Variants in MTTP observed in about 807,000 individuals in gnomAD.
The protein encoded by MTTP is microsomal triglyceride transfer protein large subunit.
Under a neutral mutation model 90.6 loss-of-function variants are expected in MTTP, and 49 were observed. That is an observed-to-expected ratio of 0.54 (90% CI 0.43 to 0.69). The LOEUF (loss-of-function observed/expected upper bound fraction) is 0.69. Among genes scored for constraint, MTTP ranks in the 30% least tolerant of loss-of-function variants. The pLI is 0.00. For missense variants in MTTP, 945 were observed against 1,067.5 expected (o/e 0.89, Z 1.60); for synonymous variants, 347 against 384.2 (o/e 0.90, Z 1.13).
upstream of MTTP, among the ~76,000 whole-genome samples, chr4:99,572,791 A>G (rs1335004978): frequency 2.6e-5 from 4 of 152,090 alleles, no homozygotes; most frequent in Non-Finnish European, 5.9e-5. Context: ...AGTTTACTGA[A>G]TTTGGAAAGG....
intron 1 of MTTP, among the ~76,000 whole-genome samples, chr4:99,579,780 G>A (rs1427910129): frequency 1.3e-5 from 2 of 152,120 alleles, no homozygotes; most frequent in Admixed American, 1.3e-4. Flanking sequence ...GCTCACACCT[G>A]TAATCCCAGC....
chr4:99,572,217 T>G (rs1390393149), upstream of MTTP, among the ~76,000 whole-genome samples: 1 of 152,010 alleles, frequency 6.6e-6, no homozygotes, highest in Non-Finnish European at 1.5e-5. Flanking sequence ...CCTAAGGAAT[T>G]TCATTGCAAT....
intron 7 of MTTP, chr4:99,595,465 T>C (rs1182647115): frequency 6.1e-6 from 1 of 162,712 alleles, no homozygotes; most frequent in Non-Finnish European, 1.4e-5. Context: ...ATGAATCAGT[T>C]ATGATATACA....
intron 12 of MTTP, among the ~76,000 whole-genome samples, chr4:99,609,694 A>C (rs1293915061): frequency 6.6e-6 from 1 of 152,058 alleles, no homozygotes; most frequent in East Asian, 1.9e-4. Context: ...AAATGAAAAA[A>C]GACAGCATTA....
At chr4:99,566,072 G>C (rs1233773315) in intron 1 of MTTP, among the ~76,000 whole-genome samples, 1 of 152,008 alleles carries the variant, frequency 6.6e-6, no homozygotes, top group African/African-American at 2.4e-5. Context: ...GGCGGATCAC[G>C]AGGTCAGGAG....
chr4:99,568,786 C>T (rs1209404860), intron 1 of MTTP, among the ~76,000 whole-genome samples: 1 of 152,078 alleles, frequency 6.6e-6, no homozygotes, highest in South Asian at 2.1e-4. Flanking sequence ...AAGGAACTCC[C>T]AGTGGCTAAA....
intron 8 of MTTP, among the ~76,000 whole-genome samples, chr4:99,599,732 A>G (rs1319196393): frequency 2.6e-5 from 4 of 152,158 alleles, no homozygotes; most frequent in Non-Finnish European, 2.9e-5. Context: ...TATAAACTCA[A>G]TAAGTATTAT....
At chr4:99,579,438 C>G (rs1470206885) in intron 1 of MTTP, among the ~76,000 whole-genome samples, 1 of 152,096 alleles carries the variant, frequency 6.6e-6, no homozygotes, top group Non-Finnish European at 1.5e-5. Context: ...TTGCTGTTTC[C>G]TCTGTGAGGG....
At chr4:99,570,164 C>A (rs1053176897), upstream of MTTP, among the ~76,000 whole-genome samples, 17 of 151,958 alleles carry the variant, frequency 1.1e-4, 1 homozygote, top group African/African-American at 3.9e-4. Flanking sequence ...CTAATTGAAG[C>A]AGATTTTTAA....
intron 1 of MTTP, among the ~76,000 whole-genome samples, chr4:99,565,952 AT>A (rs1724681561): frequency 6.6e-6 from 1 of 152,194 alleles, no homozygotes; most frequent in Non-Finnish European, 1.5e-5. Flanking sequence ...AACTGTAGGA[AT>A]GCAGTAACAT....
At chr4:99,576,522 C>T (rs1379004818) in intron 1 of MTTP, among the ~76,000 whole-genome samples, 1 of 150,982 alleles carries the variant, frequency 6.6e-6, no homozygotes, top group African/African-American at 2.4e-5. Flanking sequence ...GGTGAAACCC[C>T]GTCTCTACTA....
At chr4:99,609,944 G>A (rs1416736045) in intron 12 of MTTP, among the ~76,000 whole-genome samples, 3 of 152,134 alleles carry the variant, frequency 2.0e-5, no homozygotes, top group African/African-American at 7.2e-5. Context: ...TGCTGCCTTC[G>A]TCTTATGGCT....
chr4:99,568,373 A>G (rs111787230), intron 1 of MTTP, among the ~76,000 whole-genome samples: 3,530 of 152,292 alleles, frequency 0.023, 109 homozygotes, highest in Middle Eastern at 0.1. Context: ...GCAGTGCAGA[A>G]CTGGAACTTG....
chr4:99,577,618 AAAAAG>A (rs766499912), intron 1 of MTTP, among the ~76,000 whole-genome samples: 5,819 of 146,898 alleles, frequency 0.04, 127 homozygotes, highest in Non-Finnish European at 0.053. Context: ...AAAAAAAAAA[AAAAAG>A]AAAGAAAAGA....
rs1275766472 is a variant in MTTP at position 99,612,967 on chromosome 4, G to A, written c.2044G>A (p.Gly682Arg). 6.2e-7 allele frequency: 1 copy of A among 1,613,898 alleles called. No homozygotes were observed. Among genetic ancestry groups the A allele is most frequent in the Non-Finnish European group, 8.5e-7 (1 of 1,179,938 alleles). Residue 682 changes from glycine to arginine, a missense_variant, in exon 15 of 18, where the codon GGG (glycine) becomes AGG (arginine). Transcript: ENST00000265517. The stretch of plus-strand genomic sequence containing the variant: ...CTTAATCGCAGCCACCCCTGACGAG[G>A]GGGAGGAGAACCTTGACTCCTATGC... ...EALIAATPDE[G>R]EENLDSYAGM... is the part of the protein sequence containing the mutation.
chr4:99,590,696 T>C (rs1725393203), intron 4 of MTTP, among the ~76,000 whole-genome samples: 1 of 152,156 alleles, frequency 6.6e-6, no homozygotes, highest in African/African-American at 2.4e-5. Context: ...TCAGAGAAGC[T>C]AGACAGAGTC....
chr4:99,598,570 T>C (rs1452872920), intron 8 of MTTP, among the ~76,000 whole-genome samples: 1 of 149,730 alleles, frequency 6.7e-6, no homozygotes, highest in African/African-American at 2.5e-5. Context: ...TGTAGTGTAA[T>C]AGAAAGGATA....
chr4:99,566,307 A>G (rs1578224751), intron 1 of MTTP, among the ~76,000 whole-genome samples: 1 of 151,654 alleles, frequency 6.6e-6, no homozygotes, highest in Non-Finnish European at 1.5e-5. Flanking sequence ...GAAAAAAAAA[A>G]AAAAAAAGAA....
At chr4:99,604,387 G>C (rs1046846716) in intron 10 of MTTP, among the ~76,000 whole-genome samples, 8 of 151,916 alleles carry the variant, frequency 5.3e-5, no homozygotes, top group Non-Finnish European at 8.8e-5. Flanking sequence ...CTTATGTTTT[G>C]ACCTCCCGGC....
Sources: gnomAD v4.1 joint callset for allele counts (sites outside exome capture counted in the v4.1 genomes callset) on GRCh38, gnomAD v4.1.1 for gene constraint, MANE v1.5 for transcripts, NCBI Gene and HGNC (gene_info 2026-07-23, HGNC 2026-07-21) for gene names.